The following CDCP1 variants were observed in gnomAD, a reference collection of about 807,000 sequenced individuals.
The protein encoded by CDCP1 is CUB domain-containing protein 1.
A neutral mutation model predicts 60.2 loss-of-function variants in CDCP1; 29 were observed. The observed-to-expected ratio is 0.48, with a 90% CI of 0.36 to 0.66. The LOEUF is 0.66. Ranked by LOEUF, CDCP1 falls within the 30% of genes least tolerant of loss-of-function variation. The pLI, the probability that CDCP1 is intolerant of heterozygous loss-of-function variation, is 0.00. For synonymous variants in CDCP1, 387 were observed against 431.1 expected (o/e 0.90, Z 1.27); for missense variants, 876 against 1,074.3 (o/e 0.82, Z 2.58).
At position 45,112,337 on chromosome 3, in the gene CDCP1, C is replaced by T; in HGVS notation, c.401G>A (p.Ser134Asn). 6.2e-7 allele frequency: 1 copy of T among 1,614,228 alleles called. No homozygotes were observed. Reference protein sequence around the residue: ...TFIWDVKAHKSIGLELQFSIP... With the variant: ...TFIWDVKAHKNIGLELQFSIP... ...GGAAAACTGCAGCTCTAAACCGATG[C>T]TCTTATGAGCTTTGACATCCCAGAT... The change falls in exon 3 of 9, where the codon AGC becomes AAC. Residue 134 changes from serine (S) to asparagine (N), a missense_variant. Ser to Asn is a conservative substitution (Grantham distance 46). Transcript: ENST00000296129.
chr3:45,131,329 G>A (rs181165595), intron 1 of CDCP1, among the ~76,000 whole-genome samples: 7 of 152,136 alleles, frequency 4.6e-5, no homozygotes, highest in Admixed American at 6.5e-5. Context: ...CATTTTAACC[G>A]TTTTAAAGTG....
Position 45,095,467 on chromosome 3 carries a change from C to T in CDCP1, c.1126G>A (p.Val376Met), listed in dbSNP as rs148426340. ...CTGCAGGTCCGAGATTCTAGACACA[C>T]GAAACAGCCAGGGACAAACTTGCGG... Reference protein sequence around the residue: ...QSRKFVPGCFVCLESRTCSSN... With the variant: ...QSRKFVPGCFMCLESRTCSSN... Residue 376 changes from valine (V) to methionine (M), a missense_variant, in exon 5 of 9, where the codon GTG becomes ATG. Transcript: ENST00000296129. 2.5e-5 allele frequency: 41 copies of T among 1,614,040 alleles called. No homozygotes were observed. Among genetic ancestry groups the T allele is most frequent in the African/African-American group, 1.1e-4 (8 of 74,900 alleles).
At chr3:45,132,235 A>C (rs1231936443) in intron 1 of CDCP1, among the ~76,000 whole-genome samples, 2 of 39,300 alleles carry the variant, frequency 5.1e-5, no homozygotes, top group Non-Finnish European at 1.4e-4. Context: ...ACTCCGTCTC[A>C]AAAAAAAAAA....
chr3:45,131,391 C>A (rs980277976), intron 1 of CDCP1, among the ~76,000 whole-genome samples: 1 of 152,158 alleles, frequency 6.6e-6, no homozygotes, highest in Non-Finnish European at 1.5e-5. Flanking sequence ...CCATTACCAC[C>A]ATCCGCCTCT....
intron 5 of CDCP1, among the ~76,000 whole-genome samples, chr3:45,094,962 T>A (rs1180055679): frequency 6.7e-6 from 1 of 148,788 alleles, no homozygotes; most frequent in African/African-American, 2.5e-5. Context: ...TTTTTTTGAG[T>A]CTTACTCTGT....
chr3:45,139,261 G>A (rs1013284966), intron 1 of CDCP1: 2 of 152,190 alleles, frequency 1.3e-5, no homozygotes, highest in African/African-American at 4.8e-5. Flanking sequence ...TTTGTTCTAG[G>A]CCAGACTAGT....
At chr3:45,109,238 C>T (rs996535883) in intron 4 of CDCP1, among the ~76,000 whole-genome samples, 17 of 151,878 alleles carry the variant, frequency 1.1e-4, no homozygotes, top group African/African-American at 3.1e-4. Context: ...CATGAGCCAC[C>T]GTGCCCGGCC....
At chr3:45,145,614 G>T (rs962717806) in intron 1 of CDCP1, among the ~76,000 whole-genome samples, 3 of 152,180 alleles carry the variant, frequency 2.0e-5, no homozygotes, top group Non-Finnish European at 4.4e-5. Context: ...AAAGAAATCC[G>T]GGCGCTTTCA....
intron 1 of CDCP1, among the ~76,000 whole-genome samples, chr3:45,143,948 G>A (rs1482889096): frequency 2.0e-5 from 3 of 152,210 alleles, no homozygotes; most frequent in Admixed American, 2.0e-4. Context: ...CCCAGGGAGT[G>A]TGAATATATC....
intron 1 of CDCP1, among the ~76,000 whole-genome samples, chr3:45,125,133 T>C (rs1698956324): frequency 6.6e-6 from 1 of 152,190 alleles, no homozygotes; most frequent in Non-Finnish European, 1.5e-5. Flanking sequence ...GTGAGATGAC[T>C]GTCAGGAAGG....
intron 1 of CDCP1, among the ~76,000 whole-genome samples, chr3:45,125,673 T>C (rs1447386452): frequency 2.0e-5 from 3 of 152,130 alleles, no homozygotes; most frequent in Non-Finnish European, 4.4e-5. Flanking sequence ...TGGCTCTGAG[T>C]CTAAAGCCTA....
Position 45,095,381 on chromosome 3 carries a change from C to G in CDCP1, c.1212G>C (p.Leu404=). Reference sequence around the variant, plus strand: ...TTTCCACATTCATCCACAGACGTGTCAGATCATCACAAAGGAAGGAGATTT... The same window carrying G: ...TTTCCACATTCATCCACAGACGTGTGAGATCATCACAAAGGAAGGAGATTT... The part of the protein sequence containing the change: ...KHKISFLCDD[L]TRLWMNVEKT... Residue 404 remains leucine (L), a synonymous_variant, in exon 5 of 9, where the codon CTG becomes CTC. Coordinates refer to ENST00000296129, the MANE Select transcript of CDCP1 (RefSeq NM_022842.5). 6.2e-7 allele frequency: 1 copy of G among 1,614,168 alleles called. No individual in the cohort carries two copies. Among genetic ancestry groups the G allele is most frequent in the Non-Finnish European group, 8.5e-7 (1 of 1,180,028 alleles).
At chr3:45,124,840 T>C (rs1004917399) in intron 1 of CDCP1, among the ~76,000 whole-genome samples, 2 of 152,158 alleles carry the variant, frequency 1.3e-5, no homozygotes, top group African/African-American at 2.4e-5. Context: ...CCCTACCTCA[T>C]ATCCACCCCA....
At chr3:45,100,622 CCTTT>C (rs2125993061) in intron 4 of CDCP1, among the ~76,000 whole-genome samples, 1 of 152,194 alleles carries the variant, frequency 6.6e-6, no homozygotes, top group South Asian at 2.1e-4. Flanking sequence ...GATATTTTTT[CCTTT>C]CTATTTCTCT....
At chr3:45,124,820 C>T (rs1326142049) in intron 1 of CDCP1, among the ~76,000 whole-genome samples, 3 of 152,156 alleles carry the variant, frequency 2.0e-5, no homozygotes. Context: ...AGCAGATTGG[C>T]AAGTTTATAC....
At chr3:45,118,383 T>G (rs769811716) in intron 2 of CDCP1, 29 bp downstream of exon 2, 7 of 1,531,810 alleles carry the variant, frequency 4.6e-6, no homozygotes, top group Non-Finnish European at 6.3e-6. Flanking sequence ...TAAAAGACAT[T>G]GTCAAACAGC....
At position 45,146,261 on chromosome 3, in the gene CDCP1, A is replaced by G; in HGVS notation, c.27T>C (p.Ser9=). MAGLNCGV[S]IALLGVLLLG... ...GCAGCAGAACCCCTAGCAGTGCGAT[A>G]GAGACCCCGCAGTTCAGGCCGGCCA... Residue 9 remains serine, a synonymous_variant, in exon 1 of 9, where the codon TCT becomes TCC. Coordinates refer to ENST00000296129, the MANE Select transcript of CDCP1 (RefSeq NM_022842.5). The G allele has an allele frequency of 6.3e-7, 1 of 1,592,092 alleles. No homozygotes were observed. The highest frequency in any genetic ancestry group is 8.5e-7 in the Non-Finnish European group (1 of 1,171,826).
chr3:45,087,920 G>A (rs2125988676), intron 8 of CDCP1, among the ~76,000 whole-genome samples: 1 of 152,206 alleles, frequency 6.6e-6, no homozygotes, highest in Non-Finnish European at 1.5e-5. Flanking sequence ...TACTCGGGAG[G>A]CTGAGGCAGG....
Position 45,089,093 on chromosome 3 carries a change from A to T in CDCP1, c.2042T>A (p.Leu681Gln). ...GCAAATGATGAGCCCGAGGGCAGAC[A>T]GCAGTAAGACTCCACCTCCCACCGC... ...IAAVGGGVLL[L>Q]SALGLIICCV... Residue 681 changes from leucine to glutamine, a missense_variant, in exon 8 of 9, where the codon CTG (leucine) becomes CAG (glutamine). By Grantham distance (113) the Leu-to-Gln change is moderately radical (BLOSUM62 -2). This residue lies in a region of CDCP1 where 726 missense variants were observed against 935.7 expected (regional missense o/e 0.78). Transcript: ENST00000296129. The T allele has an allele frequency of 6.2e-7, 1 of 1,614,154 alleles. No individual in the cohort carries two copies. Among genetic ancestry groups the T allele is most frequent in the Non-Finnish European group, 8.5e-7 (1 of 1,180,010 alleles).
Sources: gnomAD v4.1 joint callset for allele counts (sites outside exome capture counted in the v4.1 genomes callset) on GRCh38, gnomAD v4.1.1 for gene constraint, gnomAD v4.1.1 regional missense constraint, MANE v1.5 for transcripts, NCBI Gene and HGNC (gene_info 2026-07-23, HGNC 2026-07-21) for gene names.